The following SLC22A2 variants were observed in gnomAD, a reference collection of about 807,000 sequenced individuals.
SLC22A2 encodes solute carrier family 22 member 2, also known as organic cation transporter 2.
In SLC22A2, 46 loss-of-function variants were observed where a neutral mutation model predicts 60.5. That is an observed-to-expected ratio of 0.76 (90% CI 0.60 to 0.97). The LOEUF is 0.97. SLC22A2 is among the 50% of genes least tolerant of loss of function. The pLI, the probability that SLC22A2 is intolerant of heterozygous loss-of-function variation, is 0.00. For synonymous variants in SLC22A2, 303 were observed against 267.0 expected (o/e 1.13, Z -1.31); for missense variants, 701 against 706.6 (o/e 0.99, Z 0.09).
Position 160,258,592 on chromosome 6 carries a change from C to T in SLC22A2, c.166G>A (p.Val56Met). ...TPDHRCRSPG[V>M]AELSLRCGWS... ...CCGCAGCGCAGACTCAGCTCGGCCA[C>T]TCCGGGGCTCCGGCAGCGGTGGTCA... The change falls in exon 1 of 11, where the codon GTG becomes ATG. Residue 56 changes from valine (V) to methionine (M), a missense_variant. Physicochemically the swap from Val to Met is conservative, Grantham distance 21. Coordinates refer to ENST00000366953, the MANE Select transcript of SLC22A2 (RefSeq NM_003058.4). 1 of 1,613,910 alleles carries T rather than the reference C, an allele frequency of 6.2e-7. No homozygotes were observed. The highest frequency in any genetic ancestry group is 8.5e-7 in the Non-Finnish European group (1 of 1,179,922).
Position 160,242,413 on chromosome 6 carries a change from A to T in SLC22A2, c.1280-11T>A. The stretch of plus-strand genomic sequence containing the variant: ...TTAGCCATTGTAGATCTAAGAGGGA[A>T]AAGAACAGTACTTATCCGTACACAG... On this transcript the variant is annotated splice_polypyrimidine_tract_variant and intron_variant, in intron 7 of 10. Transcript: ENST00000366953. 1 of 1,367,274 alleles carries T rather than the reference A, an allele frequency of 7.3e-7. No homozygotes were observed. Among genetic ancestry groups the T allele is most frequent in the Non-Finnish European group, 1.0e-6 (1 of 954,604 alleles). The allele number at this position is 1,367,274 out of a possible 1,614,324, so 84.7% of individuals were successfully genotyped here. A position where few individuals can be genotyped will look rare whatever the true frequency, so the allele number is the denominator to read the frequency against.
Position 160,242,962 on chromosome 6 carries a change from C to T in SLC22A2, c.1280-560G>A, listed in dbSNP as rs112140366. The stretch of plus-strand genomic sequence containing the variant: ...TTTAGACCTCAGTTGTTAATGACAA[C>T]GGAGTTATACCAGTTTCCAAAGCTG... On this transcript the variant is annotated intron_variant, in intron 7 of 10. Coordinates refer to ENST00000366953, the MANE Select transcript of SLC22A2 (RefSeq NM_003058.4). Among the ~76,000 whole-genome samples the T allele has an allele frequency of 1.2e-4, 18 of 152,238 alleles. No individual in the cohort carries two copies. The East Asian group carries it at 3.1e-3, about 26-fold the overall frequency.
chr6:160,222,617 G>A (rs1782659906), intron 10 of SLC22A2, among the ~76,000 whole-genome samples: 1 of 152,204 alleles, frequency 6.6e-6, no homozygotes, highest in Non-Finnish European at 1.5e-5. Flanking sequence ...CCATGTGTGT[G>A]GGAAGCTGCA....
intron 3 of SLC22A2, 162 bp downstream of exon 3, chr6:160,250,386 T>G: frequency 1.5e-6 from 1 of 664,430 alleles, no homozygotes; most frequent in Non-Finnish European, 2.6e-6. Context: ...GAATGCTGAA[T>G]GAGTTGATAT....
intron 2 of SLC22A2, among the ~76,000 whole-genome samples, chr6:160,255,300 C>T (rs755764151): frequency 1.3e-5 from 2 of 152,198 alleles, no homozygotes; most frequent in African/African-American, 4.8e-5. Flanking sequence ...TTCCCTTCTG[C>T]TGCCAGTTGG....
intron 9 of SLC22A2, among the ~76,000 whole-genome samples, chr6:160,231,796 C>T (rs1782828865): frequency 1.3e-5 from 2 of 151,902 alleles, no homozygotes; most frequent in Non-Finnish European, 1.5e-5. Flanking sequence ...CTTTCCATTC[C>T]TTAAAAAACA....
At chr6:160,227,999 C>T (rs1321091339) in intron 9 of SLC22A2, among the ~76,000 whole-genome samples, 1 of 152,222 alleles carries the variant, frequency 6.6e-6, no homozygotes, top group Non-Finnish European at 1.5e-5. Flanking sequence ...TAATAACCCA[C>T]CTTTTGTTTA....
chr6:160,252,718 TTG>T (rs1432604026), intron 2 of SLC22A2, among the ~76,000 whole-genome samples: 1 of 152,184 alleles, frequency 6.6e-6, no homozygotes, highest in Non-Finnish European at 1.5e-5. Context: ...ATACAGAATT[TTG>T]GGCCCACCCA....
chr6:160,249,207 T>C lies in SLC22A2; in HGVS notation c.842+9A>G. On this transcript the variant is annotated intron_variant, in intron 4 of 10. Transcript: ENST00000366953. ...TGATTTATTTCCTTTTTATTCCAAA[T>C]GGACTTACCAGTAATAGAGCAAGAA... is the stretch of plus-strand genomic sequence containing the variant. 8.3e-6 allele frequency: 13 copies of C among 1,561,696 alleles called. No individual in the cohort carries two copies. The highest frequency in any genetic ancestry group is 1.0e-5 in the Non-Finnish European group (12 of 1,149,202).
intron 9 of SLC22A2, among the ~76,000 whole-genome samples, chr6:160,236,132 A>G (rs1782907570): frequency 6.6e-6 from 1 of 152,146 alleles, no homozygotes; most frequent in South Asian, 2.1e-4. Context: ...CCTCTTCAAA[A>G]GGTGGTTTTA....
At chr6:160,248,217 TACAAG>T (rs1372163056) in intron 4 of SLC22A2, among the ~76,000 whole-genome samples, 1 of 152,116 alleles carries the variant, frequency 6.6e-6, no homozygotes. Context: ...CAGATATCCT[TACAAG>T]AAGAGGAAGA....
intron 5 of SLC22A2, among the ~76,000 whole-genome samples, chr6:160,245,953 T>G (rs1298878041): frequency 1.3e-5 from 2 of 149,496 alleles, no homozygotes; most frequent in Admixed American, 1.3e-4. Context: ...CTGAAACATC[T>G]GCCTCCCGGG....
chr6:160,220,701 AAAC>A (rs1400210923), intron 10 of SLC22A2, among the ~76,000 whole-genome samples: 1 of 152,214 alleles, frequency 6.6e-6, no homozygotes, highest in African/African-American at 2.4e-5. Context: ...GCAGGCATTA[AAAC>A]AACATTAATC....
chr6:160,247,102 C>A (rs1783106827), intron 5 of SLC22A2, 82 bp downstream of exon 5: 4 of 835,462 alleles, frequency 4.8e-6, no homozygotes, highest in Admixed American at 3.8e-5. Context: ...TGGTTCCCTG[C>A]TGAGATCACT....
intron 10 of SLC22A2, among the ~76,000 whole-genome samples, chr6:160,222,634 G>C (rs930345715): frequency 2.6e-5 from 4 of 152,168 alleles, no homozygotes; most frequent in Non-Finnish European, 5.9e-5. Flanking sequence ...TGCATGGGGA[G>C]AGGGGTACGG....
intron 9 of SLC22A2, among the ~76,000 whole-genome samples, chr6:160,229,131 G>T (rs975941811): frequency 1.3e-5 from 2 of 151,812 alleles, no homozygotes; most frequent in Non-Finnish European, 2.9e-5. Context: ...CTGTGAGAAA[G>T]ATCCACCTAT....
At chr6:160,248,295 AG>A (rs1783129476) in intron 4 of SLC22A2, among the ~76,000 whole-genome samples, 1 of 152,244 alleles carries the variant, frequency 6.6e-6, no homozygotes, top group African/African-American at 2.4e-5. Context: ...TCTGCAAGTC[AG>A]GAAGTGGGCT....
At position 160,224,736 on chromosome 6, in the gene SLC22A2, C is replaced by T. The variant is rs769487079; in HGVS notation, c.1570G>A (p.Glu524Lys). ...ATATTTTCGGCTTCCTCGATGGTCT[C>T]AGGCAAAGCTTTCCCTTTAGTTTCT... Reference protein sequence around the residue: ...LPETKGKALPETIEEAENMQR... With the variant: ...LPETKGKALPKTIEEAENMQR... The change falls in exon 10 of 11, where the codon GAG becomes AAG. Residue 524 changes from glutamate to lysine, a missense_variant. Physicochemically the swap from Glu to Lys is moderately conservative, Grantham distance 56 (BLOSUM62 1). Coordinates refer to ENST00000366953, the MANE Select transcript of SLC22A2 (RefSeq NM_003058.4). 6.8e-6 allele frequency: 11 copies of T among 1,607,940 alleles called. No individual in the cohort carries two copies. The highest frequency in any genetic ancestry group is 1.3e-5 in the African/African-American group (1 of 74,928).
Position 160,241,423 on chromosome 6 carries a change from G to A in SLC22A2, c.1501+51C>T, listed in dbSNP as rs767023826. On this transcript the variant is annotated intron_variant, in intron 9 of 10. Coordinates refer to ENST00000366953, the MANE Select transcript of SLC22A2 (RefSeq NM_003058.4). ...TGAATGAAGTAGAAGAGAAGTGAAGGTCTCTAGAAAAATAAGTTTTCACTT... is the reference window on the plus strand; with the variant it reads ...TGAATGAAGTAGAAGAGAAGTGAAGATCTCTAGAAAAATAAGTTTTCACTT... The A allele has an allele frequency of 7.8e-6, 9 of 1,148,596 alleles. No homozygotes were observed. In the Admixed American group the frequency reaches 1.4e-4, roughly 17 times the overall value. The allele number at this position is 1,148,596 out of a possible 1,614,324, so 71.2% of individuals were successfully genotyped here. A position where few individuals can be genotyped will look rare whatever the true frequency, so the allele number is the denominator to read the frequency against.
Sources: gnomAD v4.1 joint callset for allele counts (sites outside exome capture counted in the v4.1 genomes callset) on GRCh38, gnomAD v4.1.1 for gene constraint, MANE v1.5 for transcripts, NCBI Gene and HGNC (gene_info 2026-07-23, HGNC 2026-07-21) for gene names.